MARCO: variants seen among roughly 807,000 people sequenced by gnomAD.
MARCO encodes the protein macrophage receptor with collagenous structure.
MARCO carries 72 observed loss-of-function variants against 70.0 expected under a neutral mutation model. That is an observed-to-expected ratio of 1.03 (90% CI 0.85 to 1.25). MARCO has a LOEUF of 1.25. Ranked by LOEUF, MARCO falls within the 50% of genes most tolerant of loss-of-function variation. The pLI is 0.00. For synonymous variants in MARCO, 273 were observed against 243.1 expected, an observed-to-expected ratio of 1.12 and a Z score of -1.14; for missense variants, 696 against 659.3, an observed-to-expected ratio of 1.06 and a Z score of -0.61.
At position 118,970,301 on chromosome 2, in the gene MARCO, C is replaced by A; in HGVS notation, c.387C>A (p.His129Gln). 6.2e-7 allele frequency: 1 copy of A among 1,613,948 alleles called. No homozygotes were observed. Among genetic ancestry groups the A allele is most frequent in the South Asian group, 1.1e-5 (1 of 91,054 alleles). ...QLTWVRVSHE[H>Q]LLQRVDNFTQ... ...CCTGGGTCCGCGTCAGCCATGAGCA[C>A]TTGCTGCAGCGGGTAGACAACTTCA... The change falls in exon 3 of 17, where the codon CAC becomes CAA. Residue 129 changes from histidine (H) to glutamine (Q), a missense_variant. His to Gln is a conservative substitution (Grantham distance 24, BLOSUM62 0). Transcript: ENST00000327097.
rs756983211 is a variant in MARCO at position 118,983,276 on chromosome 2, C to A, written c.1063+866C>A. Reference sequence around the variant, plus strand: ...CCCTGTCCTCTGCCTGAGAAGGTCACGCTTGTGTCAGACAACCTGGATGCC... The same window carrying A: ...CCCTGTCCTCTGCCTGAGAAGGTCAAGCTTGTGTCAGACAACCTGGATGCC... On this transcript the variant is annotated intron_variant, in intron 12 of 16. Transcript: ENST00000327097. 7.1e-4 allele frequency among the ~76,000 whole-genome samples: 108 copies of A among 152,344 alleles called. 1 individual carries two copies. Among genetic ancestry groups the A allele is most frequent in the Non-Finnish European group, 1.3e-3 (91 of 68,046 alleles).
intron 3 of MARCO, among the ~76,000 whole-genome samples, chr2:118,970,572 C>G (rs899566550): frequency 6.6e-5 from 10 of 152,164 alleles, no homozygotes; most frequent in Non-Finnish European, 1.3e-4. Context: ...ACCACTCCCC[C>G]ACAGCTGACT....
intron 8 of MARCO, among the ~76,000 whole-genome samples, chr2:118,979,469 C>A (rs1254684092): frequency 1.3e-5 from 2 of 152,096 alleles, no homozygotes; most frequent in Non-Finnish European, 2.9e-5. Flanking sequence ...AGGATCCTTC[C>A]AAAGCTGGAA....
At position 118,977,898 on chromosome 2, in the gene MARCO, TG is replaced by T; in HGVS notation, c.731del (p.Gly244GlufsTer20). On this transcript the variant is annotated frameshift_variant, in exon 8 of 17. Transcript: ENST00000327097. LOFTEE classifies it high-confidence loss of function. ...GGLIGPKGET[G>X]TKGEKGDLGL... ...GTCTCATTGGCCCAAAAGGGGAAAC[TG>T]GAACTAAGGGAGAGAAAGGAGACCT... is the stretch of plus-strand genomic sequence containing the variant. 1 of 1,611,886 alleles carries T rather than the reference TG, an allele frequency of 6.2e-7. No homozygotes were observed. Among genetic ancestry groups the T allele is most frequent in the Non-Finnish European group, 8.5e-7 (1 of 1,179,092 alleles).
At chr2:118,950,799 C>G (rs953104430) in intron 1 of MARCO, among the ~76,000 whole-genome samples, 33 of 152,152 alleles carry the variant, frequency 2.2e-4, no homozygotes, top group Non-Finnish European at 1.8e-4. Context: ...TCCCCTCCCC[C>G]CTTTTTTTTT....
rs1377792883 is a variant in MARCO, at chr2:118,994,345, TC to T, written c.1430-40del. ...CGTGGCTTCTTTGCTTTGACTCTAA[TC>T]CTACCCTTCTTCCTCTGTCTCTTGC... On this transcript the variant is annotated intron_variant, in intron 16 of 16. Coordinates refer to ENST00000327097, the MANE Select transcript of MARCO (RefSeq NM_006770.4). 2.5e-6 allele frequency: 4 copies of T among 1,613,060 alleles called. No homozygotes were observed. In the Admixed American group the frequency reaches 5.0e-5, roughly 20 times the overall value.
chr2:118,964,918 G>C (rs558923248), intron 1 of MARCO, among the ~76,000 whole-genome samples: 5 of 150,708 alleles, frequency 3.3e-5, no homozygotes, highest in African/African-American at 4.9e-5. Flanking sequence ...TCCTTTATAA[G>C]TAATGTGCCA....
At position 118,994,406 on chromosome 2, in the gene MARCO, G is replaced by C; in HGVS notation, c.1449G>C (p.Leu483=). The C allele has an allele frequency of 6.2e-7, 1 of 1,614,160 alleles. No homozygotes were observed. Among genetic ancestry groups the C allele is most frequent in the African/African-American group, 1.3e-5 (1 of 75,046 alleles). Reference sequence around the variant, plus strand: ...ATCAAGGCACTGGGCAGATCTGGCTGGATAATGTTCAGTGTCGGGGCACGG... The same window carrying C: ...ATCAAGGCACTGGGCAGATCTGGCTCGATAATGTTCAGTGTCGGGGCACGG... ...KVGAGTGQIW[L]DNVQCRGTES... The change falls in exon 17 of 17, where the codon CTG becomes CTC. Residue 483 remains leucine (L), a synonymous_variant. Transcript: ENST00000327097.
chr2:118,991,684 A>T, intron 13 of MARCO, 93 bp from the exon 14 acceptor site: 1 of 689,470 alleles, frequency 1.5e-6, no homozygotes, highest in Non-Finnish European at 2.4e-6. Context: ...TCTGGCAGTT[A>T]AGGATAACTC....
At chr2:118,954,663 A>C (rs1024826532) in intron 1 of MARCO, among the ~76,000 whole-genome samples, 3 of 152,228 alleles carry the variant, frequency 2.0e-5, no homozygotes, top group African/African-American at 7.2e-5. Flanking sequence ...CACAGAGTCC[A>C]CTGCACCCTC....
Position 118,942,324 on chromosome 2 carries a change from G to C in MARCO, c.24G>C (p.Lys8Asn). 1 of 1,613,680 alleles carries C rather than the reference G, an allele frequency of 6.2e-7. No homozygotes were observed. The highest frequency in any genetic ancestry group is 8.5e-7 in the Non-Finnish European group (1 of 1,179,704). Residue 8 changes from lysine to asparagine, a missense_variant, in exon 1 of 17, where the codon AAG (lysine) becomes AAC (asparagine). Lys to Asn is a moderately conservative substitution (Grantham distance 94, BLOSUM62 0). Coordinates refer to ENST00000327097, the MANE Select transcript of MARCO (RefSeq NM_006770.4). MRNKKIL[K>N]EDELLSETQQ... ...CAATGAGAAATAAGAAAATTCTCAA[G>C]GAGGACGAGCTCTTGAGTGAGACCC...
At chr2:118,947,282 T>A (rs959498553) in intron 1 of MARCO, among the ~76,000 whole-genome samples, 19 of 152,190 alleles carry the variant, frequency 1.2e-4, no homozygotes, top group African/African-American at 4.6e-4. Context: ...CTAAAATTTT[T>A]GTAGTTTTAC....
intron 1 of MARCO, among the ~76,000 whole-genome samples, chr2:118,950,761 C>G (rs1679707007): frequency 6.6e-6 from 1 of 151,942 alleles, no homozygotes; most frequent in Non-Finnish European, 1.5e-5. Context: ...AAGAATTTAC[C>G]ATATAACATT....
In MARCO at chr2:118,981,450, A is replaced by G; in HGVS notation, c.808A>G (p.Met270Val). 1.3e-6 allele frequency: 2 copies of G among 1,597,874 alleles called. No homozygotes were observed. The highest frequency in any genetic ancestry group is 8.5e-7 in the Non-Finnish European group (1 of 1,176,368). The change falls in exon 9 of 17, where the codon ATG (methionine) becomes GTG (valine). Residue 270 changes from methionine to valine, a missense_variant. By Grantham distance (21) the Met-to-Val change is conservative. Coordinates refer to ENST00000327097, the MANE Select transcript of MARCO (RefSeq NM_006770.4). Reference protein sequence around the residue: ...DRGMKGDAGVMGPPGAQGSKG... With the variant: ...DRGMKGDAGVVGPPGAQGSKG... ...GGGCATGAAAGGAGATGCAGGGGTC[A>G]TGGGGCCTCCTGGAGCCCAGGGGAG...
chr2:118,981,386 AC>A, intron 8 of MARCO, 22 bp from the exon 9 acceptor site: 1 of 1,540,746 alleles, frequency 6.5e-7, no homozygotes, highest in Non-Finnish European at 8.9e-7. Flanking sequence ...CCCACAACTA[AC>A]CAAGACTTTT....
chr2:118,944,284 T>C (rs1234993322), intron 1 of MARCO, among the ~76,000 whole-genome samples: 1 of 152,122 alleles, frequency 6.6e-6, no homozygotes, highest in Admixed American at 6.5e-5. Context: ...ACTACTCCAA[T>C]TTGGATGAAA....
chr2:118,963,397 C>G (rs1421395021), intron 1 of MARCO, among the ~76,000 whole-genome samples: 1 of 151,920 alleles, frequency 6.6e-6, no homozygotes, highest in African/African-American at 2.4e-5. Context: ...TGGAGATTTT[C>G]CTGTTGCCTA....
At chr2:118,985,989 G>T (rs1243970469) in intron 12 of MARCO, among the ~76,000 whole-genome samples, 1 of 152,092 alleles carries the variant, frequency 6.6e-6, no homozygotes, top group Non-Finnish European at 1.5e-5. Flanking sequence ...AAGCCAAAAA[G>T]ATCATCCATA....
chr2:118,992,995 TG>T, intron 15 of MARCO, 128 bp from the exon 16 acceptor site: 1 of 844,150 alleles, frequency 1.2e-6, no homozygotes, highest in Non-Finnish European at 1.9e-6. Context: ...TTCCAGGCTC[TG>T]GTGACAGTCA....
Sources: allele counts gnomAD v4.1 joint callset (sites outside exome capture counted in the v4.1 genomes callset), GRCh38; gene constraint gnomAD v4.1.1; transcripts MANE v1.5; gene names NCBI Gene and HGNC (gene_info 2026-07-23, HGNC 2026-07-21).